GPBP1L1: variants seen among roughly 807,000 people sequenced by gnomAD.
GPBP1L1 encodes GC-rich promoter binding protein 1 like 1.
In GPBP1L1, 23 loss-of-function variants were observed where a neutral mutation model predicts 52.5. That is an observed-to-expected ratio of 0.44 (90% CI 0.32 to 0.62). GPBP1L1 has a LOEUF of 0.62. Among genes scored for constraint, GPBP1L1 ranks in the 20% least tolerant of loss-of-function variants. The pLI is 0.06. For synonymous variants in GPBP1L1, 243 were observed against 203.1 expected (o/e 1.20, Z -1.67); for missense variants, 596 against 579.3 (o/e 1.03, Z -0.30).
At chr1:45,653,336 C>G (rs1457017033) in intron 6 of GPBP1L1, among the ~76,000 whole-genome samples, 1 of 152,102 alleles carries the variant, frequency 6.6e-6, no homozygotes, top group Non-Finnish European at 1.5e-5. Flanking sequence ...GCATTTGAGA[C>G]TGGCCTGGGC....
chr1:45,633,707 TTC>T (rs1398698995), intron 9 of GPBP1L1, 60 bp from the exon 10 acceptor site: 9 of 1,528,130 alleles, frequency 5.9e-6, no homozygotes, highest in Non-Finnish European at 8.1e-6. Context: ...TGGGGTTCTC[TTC>T]TACTAAGTGC....
rs1438245080 is a variant in GPBP1L1, at chr1:45,642,473, T to C, written c.504A>G (p.Lys168=). The C allele has an allele frequency of 3.7e-6, 6 of 1,614,016 alleles. No individual in the cohort carries two copies. The highest frequency in any genetic ancestry group is 4.2e-6 in the Non-Finnish European group (5 of 1,179,924). Reference sequence around the variant, plus strand: ...CAATAGGTCTGCATGGCTGATGCTGTTTGCCAGCTTCTGGATTCAAGGAAG... The same window carrying C: ...CAATAGGTCTGCATGGCTGATGCTGCTTGCCAGCTTCTGGATTCAAGGAAG... ...DFPSLNPEAG[K]QHQPCRPIGT... Residue 168 remains lysine, a synonymous_variant, in exon 7 of 13, where the codon AAA becomes AAG. Coordinates refer to ENST00000355105, the MANE Select transcript of GPBP1L1 (RefSeq NM_021639.5).
intron 4 of GPBP1L1, among the ~76,000 whole-genome samples, chr1:45,656,725 G>C (rs1188404222): frequency 2.7e-5 from 4 of 150,098 alleles, no homozygotes; most frequent in Non-Finnish European, 5.9e-5. Context: ...GAGTACAGTA[G>C]CCCGATCACA....
At chr1:45,632,263 T>A (rs1229824365) in intron 10 of GPBP1L1, among the ~76,000 whole-genome samples, 1 of 151,524 alleles carries the variant, frequency 6.6e-6, no homozygotes, top group African/African-American at 2.4e-5. Flanking sequence ...ACGTGTGTCA[T>A]GTGGTGGCAC....
intron 10 of GPBP1L1, among the ~76,000 whole-genome samples, chr1:45,632,690 T>G (rs1644545900): frequency 6.6e-6 from 1 of 152,186 alleles, no homozygotes; most frequent in Non-Finnish European, 1.5e-5. Flanking sequence ...CACTCCAGTC[T>G]GGGTGATAAG....
At chr1:45,656,202 C>CT (rs1244793562) in intron 4 of GPBP1L1, 1 of 152,144 alleles carries the variant, frequency 6.6e-6, no homozygotes, top group Non-Finnish European at 1.5e-5. Flanking sequence ...AAAAATAAGT[C>CT]TTTGAGGTAA....
At chr1:45,682,524 A>C (rs755815961) in intron 2 of GPBP1L1, among the ~76,000 whole-genome samples, 3 of 152,210 alleles carry the variant, frequency 2.0e-5, no homozygotes, top group Non-Finnish European at 4.4e-5. Flanking sequence ...TTTAAGAGTA[A>C]TTGCTTTTTA....
intron 11 of GPBP1L1, 51 bp downstream of exon 11, chr1:45,630,431 A>G: frequency 1.3e-6 from 2 of 1,596,846 alleles, no homozygotes; most frequent in Non-Finnish European, 1.7e-6. Flanking sequence ...AGTATGTTCA[A>G]GGTCCTTAAA....
chr1:45,640,689 G>A (rs983339586), intron 7 of GPBP1L1, among the ~76,000 whole-genome samples: 1 of 152,176 alleles, frequency 6.6e-6, no homozygotes, highest in African/African-American at 2.4e-5. Flanking sequence ...TGGACAGTGT[G>A]ATCAGTTAAG....
chr1:45,659,070 A>G lies in GPBP1L1; in HGVS notation c.18T>C (p.Phe6=), dbSNP rs1306376996. 6.2e-7 allele frequency: 1 copy of G among 1,614,090 alleles called. No homozygotes were observed. Among genetic ancestry groups the G allele is most frequent in the South Asian group, 1.1e-5 (1 of 91,076 alleles). The change falls in exon 4 of 13, where the codon TTT becomes TTC. Residue 6 remains phenylalanine, a synonymous_variant. Coordinates refer to ENST00000355105, the MANE Select transcript of GPBP1L1 (RefSeq NM_021639.5). Reference sequence around the variant, plus strand: ...TTGAGAAATTTAGCCAAGCAGGAACAAAATCATGCTGCGCCATTTAGGTCC... The same window carrying G: ...TTGAGAAATTTAGCCAAGCAGGAACGAAATCATGCTGCGCCATTTAGGTCC... MAQHD[F]VPAWLNFSTP... is the part of the protein sequence containing the mutation.
At chr1:45,642,391 TAA>T (rs765232164) in intron 7 of GPBP1L1, 34 bp downstream of exon 7, 1 of 1,465,910 alleles carries the variant, frequency 6.8e-7, no homozygotes, top group South Asian at 1.2e-5. Context: ...GAAAAAATTT[TAA>T]AGTTGTGCCT....
chr1:45,674,073 CA>C (rs67521298), intron 2 of GPBP1L1, among the ~76,000 whole-genome samples: 43,501 of 151,470 alleles, frequency 0.29, 6,366 homozygotes, highest in South Asian at 0.37. Flanking sequence ...GTGAAATTGT[CA>C]AAAAAAAGAA....
chr1:45,629,889 AAAG>A (rs902595355), intron 11 of GPBP1L1, among the ~76,000 whole-genome samples: 5 of 151,702 alleles, frequency 3.3e-5, no homozygotes, highest in Admixed American at 2.0e-4. Context: ...AGGAAGAGCT[AAAG>A]AAGAGACAGT....
chr1:45,640,433 GAATGTCA>G, intron 7 of GPBP1L1, 30 bp from the exon 8 acceptor site: 1 of 1,570,748 alleles, frequency 6.4e-7, no homozygotes, highest in Non-Finnish European at 8.8e-7. Context: ...AGAGACAACA[GAATGTCA>G]AACCTGTTGT....
intron 2 of GPBP1L1, among the ~76,000 whole-genome samples, chr1:45,682,560 ATC>A (rs1316641875): frequency 6.6e-6 from 1 of 152,208 alleles, no homozygotes; most frequent in Non-Finnish European, 1.5e-5. Flanking sequence ...ATTAAGTATT[ATC>A]TGTTAAACCG....
chr1:45,659,390 G>A (rs1447429698), intron 3 of GPBP1L1, among the ~76,000 whole-genome samples: 2 of 152,190 alleles, frequency 1.3e-5, no homozygotes, highest in African/African-American at 4.8e-5. Flanking sequence ...GAGAGGAAGG[G>A]TCTTGCTATG....
Position 45,628,363 on chromosome 1 carries a change from T to C in GPBP1L1, c.1318A>G (p.Ser440Gly), listed in dbSNP as rs1356965347. Residue 440 changes from serine (S) to glycine (G), a missense_variant, in exon 13 of 13, where the codon AGT becomes GGT. Transcript: ENST00000355105. Reference sequence around the variant, plus strand: ...CTCCAAGGGGAGAACAGACTGGAACTGCGGCTCTGCAAGAAGCCATTCTTT... The same window carrying C: ...CTCCAAGGGGAGAACAGACTGGAACCGCGGCTCTGCAAGAAGCCATTCTTT... Reference protein sequence around the residue: ...FGKNGFLQSRSSSLFSPWRST... With the variant: ...FGKNGFLQSRGSSLFSPWRST... The C allele has an allele frequency of 1.9e-6, 3 of 1,614,106 alleles. No individual in the cohort carries two copies. The highest frequency in any genetic ancestry group is 2.5e-6 in the Non-Finnish European group (3 of 1,180,014).
intron 2 of GPBP1L1, among the ~76,000 whole-genome samples, chr1:45,662,975 C>T (rs572351537): frequency 2.1e-5 from 3 of 141,984 alleles, no homozygotes; most frequent in South Asian, 2.3e-4. Flanking sequence ...AACTTGAATC[C>T]GGGAGGCGGA....
chr1:45,640,994 G>A lies in GPBP1L1; in HGVS notation c.551-591C>T, dbSNP rs147535441. ...TGTGCCACTGCACTCCAGCATGGAT[G>A]ACAAAGTCAGACCCTAACTCAAAAA... On this transcript the variant is annotated intron_variant, in intron 7 of 12. Transcript: ENST00000355105. 5.6e-4 allele frequency among the ~76,000 whole-genome samples: 85 copies of A among 152,008 alleles called. 1 individual carries two copies. The highest frequency in any genetic ancestry group is 1.9e-3 in the African/African-American group (80 of 41,462).
Sources: gnomAD v4.1 joint callset for allele counts (sites outside exome capture counted in the v4.1 genomes callset) on GRCh38, gnomAD v4.1.1 for gene constraint, MANE v1.5 for transcripts, NCBI Gene and HGNC (gene_info 2026-07-23, HGNC 2026-07-21) for gene names.